Variants in KLHL20 observed in about 807,000 individuals in gnomAD.
KLHL20 encodes the protein kelch like family member 20.
Under a neutral mutation model 69.5 loss-of-function variants are expected in KLHL20, and 29 were observed. The observed-to-expected ratio is 0.42, with a 90% CI of 0.31 to 0.57. KLHL20 has a LOEUF of 0.57. KLHL20 is among the 20% of genes least tolerant of loss of function. The pLI is 0.18. For synonymous variants in KLHL20, 253 were observed against 265.2 expected (o/e 0.95, Z 0.45); for missense variants, 419 against 776.0 (o/e 0.54, Z 5.47).
chr1:173,722,169 T>C (rs184234045), intron 2 of KLHL20, among the ~76,000 whole-genome samples: 2,621 of 152,216 alleles, frequency 0.017, 62 homozygotes, highest in African/African-American at 0.061. Flanking sequence ...CAAGCTGGTC[T>C]CAAACTCCTG....
chr1:173,775,962 T>G, intron 10 of KLHL20, 120 bp downstream of exon 10: 2 of 770,830 alleles, frequency 2.6e-6, no homozygotes, highest in Non-Finnish European at 2.1e-6. Context: ...GGTATATACC[T>G]AGCAGTAAGA....
intron 9 of KLHL20, 32 bp downstream of exon 9, chr1:173,774,470 C>A (rs1319566442): frequency 6.2e-7 from 1 of 1,612,268 alleles, no homozygotes; most frequent in East Asian, 2.2e-5. Flanking sequence ...TCAGGTTCCC[C>A]AAAAGCAGAA....
chr1:173,733,608 C>A, intron 2 of KLHL20, 105 bp from the exon 3 acceptor site: 2 of 1,029,026 alleles, frequency 1.9e-6, no homozygotes, highest in Non-Finnish European at 2.8e-6. Flanking sequence ...AAAAAATCAC[C>A]AAGCTAATTA....
Position 173,716,083 on chromosome 1 carries a change from A to G in KLHL20, c.23+17A>G. On this transcript the variant is annotated intron_variant, in intron 2 of 11. Transcript: ENST00000209884. Reference sequence around the variant, plus strand: ...AATGCGCAGGTAGGCATTTAGGAAGAAAACCTTTGGTTTCACTGATTAAAA... The same window carrying G: ...AATGCGCAGGTAGGCATTTAGGAAGGAAACCTTTGGTTTCACTGATTAAAA... The G allele has an allele frequency of 6.2e-7, 1 of 1,613,060 alleles. No individual in the cohort carries two copies. Among genetic ancestry groups the G allele is most frequent in the South Asian group, 1.1e-5 (1 of 90,888 alleles).
At chr1:173,760,763 T>C (rs183643364) in intron 7 of KLHL20, among the ~76,000 whole-genome samples, 72 of 152,238 alleles carry the variant, frequency 4.7e-4, no homozygotes, top group African/African-American at 1.6e-3. Flanking sequence ...AAACAGAACC[T>C]CTTTAAAGCA....
chr1:173,771,397 G>C (rs551982999), intron 8 of KLHL20, among the ~76,000 whole-genome samples: 1 of 152,064 alleles, frequency 6.6e-6, no homozygotes, highest in African/African-American at 2.4e-5. Flanking sequence ...GAGCAAGACC[G>C]TGTCTCTTAA....
intron 3 of KLHL20, among the ~76,000 whole-genome samples, chr1:173,748,877 C>T (rs1320008359): frequency 6.6e-6 from 1 of 152,056 alleles, no homozygotes; most frequent in Admixed American, 6.6e-5. Flanking sequence ...GAGCTATACA[C>T]TTAAAATTTT....
chr1:173,775,041 G>A (rs1294534895), intron 9 of KLHL20, among the ~76,000 whole-genome samples: 1 of 152,058 alleles, frequency 6.6e-6, no homozygotes, highest in East Asian at 1.9e-4. Context: ...AAACTCCTGA[G>A]CTCCAGTGAT....
At chr1:173,773,093 T>A (rs2102529703) in intron 8 of KLHL20, among the ~76,000 whole-genome samples, 1 of 152,250 alleles carries the variant, frequency 6.6e-6, no homozygotes, top group East Asian at 1.9e-4. Context: ...CCCAAGTAGC[T>A]GGGACTGCAG....
chr1:173,746,176 G>T (rs963295151), intron 3 of KLHL20, among the ~76,000 whole-genome samples: 1 of 152,118 alleles, frequency 6.6e-6, no homozygotes, highest in Non-Finnish European at 1.5e-5. Flanking sequence ...TTATGGTGGT[G>T]TTAGAATCTA....
At chr1:173,723,377 C>T (rs1558180009) in intron 2 of KLHL20, among the ~76,000 whole-genome samples, 1 of 152,162 alleles carries the variant, frequency 6.6e-6, no homozygotes, top group Non-Finnish European at 1.5e-5. Context: ...CAAGCGTAAA[C>T]AGTGATGTTT....
chr1:173,758,847 C>A (rs1673667879), intron 7 of KLHL20, among the ~76,000 whole-genome samples: 1 of 152,184 alleles, frequency 6.6e-6, no homozygotes, highest in South Asian at 2.1e-4. Context: ...AACTTTGTAA[C>A]AATTTGAACA....
intron 7 of KLHL20, among the ~76,000 whole-genome samples, chr1:173,758,169 A>T (rs1226245455): frequency 6.6e-6 from 1 of 151,904 alleles, no homozygotes; most frequent in Admixed American, 6.6e-5. Flanking sequence ...TACTCAGGAG[A>T]CTGAGGCAGG....
At chr1:173,737,390 G>GT (rs1672585318) in intron 3 of KLHL20, among the ~76,000 whole-genome samples, 1 of 152,162 alleles carries the variant, frequency 6.6e-6, no homozygotes, top group Non-Finnish European at 1.5e-5. Flanking sequence ...TCTTGAGTTG[G>GT]TTTTTGTATA....
Position 173,785,489 on chromosome 1 carries a change from A to G in KLHL20, c.*242A>G, listed in dbSNP as rs917591598. ...TGGTTTTTTGTTGTTTTCGTTTTGA[A>G]CTTATCCTTCCTCCCACAAAAAAAG... is the stretch of plus-strand genomic sequence containing the variant. On this transcript the variant is annotated 3_prime_UTR_variant, in exon 12 of 12. Transcript: ENST00000209884. The G allele has an allele frequency of 8.4e-6, 2 of 238,812 alleles. No individual in the cohort carries two copies. The highest frequency in any genetic ancestry group is 1.3e-3 in the Middle Eastern group (1 of 784). 14.8% of individuals were successfully genotyped at this position (238,812 alleles called of 1,614,324 possible). A position where few individuals can be genotyped will look rare whatever the true frequency, so the allele number is the denominator to read the frequency against.
At chr1:173,724,996 G>A (rs973925609) in intron 2 of KLHL20, among the ~76,000 whole-genome samples, 4 of 151,764 alleles carry the variant, frequency 2.6e-5, no homozygotes, top group Non-Finnish European at 5.9e-5. Flanking sequence ...AATATGAAAT[G>A]CATTTTATAG....
At chr1:173,740,405 C>T (rs916123819) in intron 3 of KLHL20, among the ~76,000 whole-genome samples, 11 of 151,896 alleles carry the variant, frequency 7.2e-5, no homozygotes, top group Non-Finnish European at 1.2e-4. Flanking sequence ...CCACCATGCC[C>T]GGCCTATCAT....
At chr1:173,730,257 G>A (rs1453236630) in intron 2 of KLHL20, among the ~76,000 whole-genome samples, 1 of 151,994 alleles carries the variant, frequency 6.6e-6, no homozygotes, top group African/African-American at 2.4e-5. Context: ...ATGCTCATGG[G>A]TAGGAAGAAT....
chr1:173,741,853 C>A, intron 3 of KLHL20: 1 of 1,585,994 alleles, frequency 6.3e-7, no homozygotes, highest in Non-Finnish European at 8.5e-7. Context: ...GTTGGCTGCT[C>A]CACTGTCCTC....
Sources: gnomAD v4.1 joint callset for allele counts (sites outside exome capture counted in the v4.1 genomes callset) on GRCh38, gnomAD v4.1.1 for gene constraint, MANE v1.5 for transcripts, NCBI Gene and HGNC (gene_info 2026-07-23, HGNC 2026-07-21) for gene names.